ZNRF2: variants seen among roughly 807,000 people sequenced by gnomAD.
The protein encoded by ZNRF2 is zinc and ring finger 2, also known as E3 ubiquitin-protein ligase ZNRF2.
A neutral mutation model predicts 20.4 loss-of-function variants in ZNRF2; 16 were observed. That is an observed-to-expected ratio of 0.79 (90% CI 0.53 to 1.19). ZNRF2 has a LOEUF of 1.19. Among genes scored for constraint, ZNRF2 ranks in the 50% most tolerant of loss-of-function variants. The pLI is 0.00. For synonymous variants in ZNRF2, 178 were observed against 144.9 expected (o/e 1.23, Z -1.64); for missense variants, 363 against 332.4 (o/e 1.09, Z -0.72).
At chr7:30,345,776 C>G (rs1304257515) in intron 2 of ZNRF2, among the ~76,000 whole-genome samples, 4 of 152,138 alleles carry the variant, frequency 2.6e-5, no homozygotes, top group African/African-American at 9.7e-5. Flanking sequence ...CACTGCCTCT[C>G]TCTTCAAGTC....
chr7:30,349,167 T>C (rs1192545571), intron 2 of ZNRF2, among the ~76,000 whole-genome samples: 2 of 152,214 alleles, frequency 1.3e-5, no homozygotes, highest in East Asian at 3.8e-4. Flanking sequence ...ATTAGATTTA[T>C]TTTTAATCAT....
rs764781489 is a variant in ZNRF2 at position 30,323,633 on chromosome 7, G to A, written c.470-9G>A. The A allele has an allele frequency of 1.3e-6, 2 of 1,561,186 alleles. No homozygotes were observed. The highest frequency in any genetic ancestry group is 1.7e-6 in the Non-Finnish European group (2 of 1,154,104). ...TAGTTAAGTAACTTGAGTTTCTTTTGTTTTTTAGGATTTAAGTGCCCTGTA... is the reference window on the plus strand; with the variant it reads ...TAGTTAAGTAACTTGAGTTTCTTTTATTTTTTAGGATTTAAGTGCCCTGTA... On this transcript the variant is annotated splice_polypyrimidine_tract_variant and intron_variant, in intron 1 of 4. Coordinates refer to ENST00000323037, the MANE Select transcript of ZNRF2 (RefSeq NM_147128.4).
At chr7:30,333,107 G>T (rs1423770001) in intron 2 of ZNRF2, among the ~76,000 whole-genome samples, 1 of 149,378 alleles carries the variant, frequency 6.7e-6, no homozygotes, top group Non-Finnish European at 1.5e-5. Context: ...AGGCTGGAGT[G>T]CAGTGGCTTG....
rs148959337 is a variant in ZNRF2 at position 30,303,326 on chromosome 7, G to A, written c.469+17500G>A. Among the ~76,000 whole-genome samples, 989 of 151,498 alleles carry A rather than the reference G, an allele frequency of 6.5e-3. 15 individuals carry two copies. Among genetic ancestry groups the A allele is most frequent in the African/African-American group, 0.022 (913 of 41,292 alleles). On this transcript the variant is annotated intron_variant, in intron 1 of 4. Transcript: ENST00000323037. ...AACTCATTTTAATTCAGTATCTCCC[G>A]AATTAATTTTATAGTAATTTGACCC...
At chr7:30,304,382 G>T (rs1799167681) in intron 1 of ZNRF2, among the ~76,000 whole-genome samples, 1 of 152,194 alleles carries the variant, frequency 6.6e-6, no homozygotes, top group African/African-American at 2.4e-5. Flanking sequence ...GCAAACTGAA[G>T]TAGTAATGTG....
intron 2 of ZNRF2, among the ~76,000 whole-genome samples, chr7:30,328,139 A>G (rs74691773): frequency 0.01 from 1,550 of 152,226 alleles, 17 homozygotes; most frequent in African/African-American, 0.035. Flanking sequence ...TTTTAAAGTC[A>G]GACCCCCCCC....
chr7:30,341,979 CTTCT>C (rs1562618046), intron 2 of ZNRF2, among the ~76,000 whole-genome samples: 1 of 151,348 alleles, frequency 6.6e-6, no homozygotes, highest in African/African-American at 2.4e-5. Context: ...ATGTAATGCG[CTTCT>C]TTGTCTTTTT....
chr7:30,296,887 T>A (rs115884980), intron 1 of ZNRF2, among the ~76,000 whole-genome samples: 4,557 of 152,312 alleles, frequency 0.03, 172 homozygotes, highest in African/African-American at 0.089. Flanking sequence ...CTGTCTCTTT[T>A]GAGCCTATGT....
chr7:30,295,042 A>AGTGT (rs1798990160), intron 1 of ZNRF2, among the ~76,000 whole-genome samples: 3 of 114,992 alleles, frequency 2.6e-5, no homozygotes, highest in Non-Finnish European at 3.4e-5. Flanking sequence ...AGAGAGAGAG[A>AGTGT]GAGAGAGAGT....
chr7:30,348,461 TC>T (rs1799911750), intron 2 of ZNRF2, among the ~76,000 whole-genome samples: 1 of 152,198 alleles, frequency 6.6e-6, no homozygotes. Context: ...TTACCCTGTT[TC>T]TTTAATACAG....
chr7:30,289,692 G>A (rs1402383027), intron 1 of ZNRF2: 24 of 481,580 alleles, frequency 5.0e-5, no homozygotes, highest in Non-Finnish European at 9.9e-5. Flanking sequence ...TCTGCTTTGG[G>A]AATTTTTTGG....
chr7:30,306,793 G>A (rs1799213388), intron 1 of ZNRF2, among the ~76,000 whole-genome samples: 1 of 152,044 alleles, frequency 6.6e-6, no homozygotes, highest in South Asian at 2.1e-4. Flanking sequence ...TTTTGAAATA[G>A]CTGTTAAGTA....
At chr7:30,364,571 CAT>C (rs1363938216) in intron 4 of ZNRF2, among the ~76,000 whole-genome samples, 1 of 152,110 alleles carries the variant, frequency 6.6e-6, no homozygotes, top group Non-Finnish European at 1.5e-5. Context: ...TATATGTGCA[CAT>C]ATGTTTTTAT....
At chr7:30,303,126 GAA>G (rs2128058213) in intron 1 of ZNRF2, among the ~76,000 whole-genome samples, 1 of 151,974 alleles carries the variant, frequency 6.6e-6, no homozygotes, top group Non-Finnish European at 1.5e-5. Flanking sequence ...ACCAAAAATA[GAA>G]AACAATTATC....
chr7:30,340,756 A>G (rs1799781552), intron 2 of ZNRF2, among the ~76,000 whole-genome samples: 1 of 151,980 alleles, frequency 6.6e-6, no homozygotes, highest in Non-Finnish European at 1.5e-5. Flanking sequence ...CTGGCCTCAT[A>G]AATTGAGTTA....
At chr7:30,303,140 G>A (rs1361054377) in intron 1 of ZNRF2, among the ~76,000 whole-genome samples, 1 of 151,696 alleles carries the variant, frequency 6.6e-6, no homozygotes, top group Non-Finnish European at 1.5e-5. Context: ...ACAATTATCC[G>A]GGCGTGGTAG....
At chr7:30,305,489 GT>G (rs1306756667) in intron 1 of ZNRF2, among the ~76,000 whole-genome samples, 1 of 151,838 alleles carries the variant, frequency 6.6e-6, no homozygotes, top group Non-Finnish European at 1.5e-5. Context: ...TGTTCTCCTT[GT>G]TTTTTAAAAC....
chr7:30,356,759 G>A (rs1289830727), intron 3 of ZNRF2, among the ~76,000 whole-genome samples: 2 of 143,386 alleles, frequency 1.4e-5, no homozygotes, highest in Non-Finnish European at 3.0e-5. Context: ...AGGCTGGAGG[G>A]CAGTGACGTG....
At chr7:30,285,896 A>C (rs1355203505) in intron 1 of ZNRF2, 70 bp downstream of exon 1, 9 of 1,358,500 alleles carry the variant, frequency 6.6e-6, no homozygotes, top group Non-Finnish European at 7.6e-6. Flanking sequence ...GCCGCCGGCT[A>C]TTTTTACCCT....
Sources: gnomAD v4.1 joint callset for allele counts (sites outside exome capture counted in the v4.1 genomes callset) on GRCh38, gnomAD v4.1.1 for gene constraint, MANE v1.5 for transcripts, NCBI Gene and HGNC (gene_info 2026-07-23, HGNC 2026-07-21) for gene names.